OSBPL8: variants seen among roughly 807,000 people sequenced by gnomAD.
The protein encoded by OSBPL8 is oxysterol-binding protein-related protein 8.
OSBPL8 carries 59 observed loss-of-function variants against 125.5 expected under a neutral mutation model. That is an observed-to-expected ratio of 0.47 (90% confidence interval 0.38 to 0.58). The LOEUF (loss-of-function observed/expected upper bound fraction) is 0.58. Among genes scored for constraint, OSBPL8 ranks in the 20% least tolerant of loss-of-function variants. The pLI, the probability that OSBPL8 is intolerant of heterozygous loss-of-function variation, is 0.00. For missense variants in OSBPL8, 758 were observed against 1,047.8 expected (o/e 0.72, Z 3.82); for synonymous variants, 330 against 338.9 (o/e 0.97, Z 0.29).
At chr12:76,486,777 T>C (rs762010851) in intron 2 of OSBPL8, among the ~76,000 whole-genome samples, 19 of 152,208 alleles carry the variant, frequency 1.2e-4, no homozygotes, top group African/African-American at 3.6e-4. Context: ...ATTTTAACTG[T>C]TTCATTCCCA....
At chr12:76,516,872 T>C (rs1881592923) in intron 1 of OSBPL8, among the ~76,000 whole-genome samples, 1 of 150,974 alleles carries the variant, frequency 6.6e-6, no homozygotes, top group Non-Finnish European at 1.5e-5. Flanking sequence ...TGGAGTGCAG[T>C]GGCGCAGTAT....
chr12:76,547,562 C>T (rs946365657), intron 1 of OSBPL8, among the ~76,000 whole-genome samples: 6 of 152,104 alleles, frequency 3.9e-5, no homozygotes, highest in Non-Finnish European at 8.8e-5. Flanking sequence ...AAAGATAACA[C>T]AGAAGACAAG....
At chr12:76,458,410 C>A (rs1874319591) in intron 3 of OSBPL8, among the ~76,000 whole-genome samples, 1 of 151,898 alleles carries the variant, frequency 6.6e-6, no homozygotes, top group Non-Finnish European at 1.5e-5. Context: ...GAAAAAAGGG[C>A]TAGGCACGGT....
intron 4 of OSBPL8, among the ~76,000 whole-genome samples, chr12:76,439,539 G>GT (rs1460928031): frequency 6.6e-6 from 1 of 152,048 alleles, no homozygotes; most frequent in African/African-American, 2.4e-5. Flanking sequence ...GGGGGAGAGT[G>GT]TTTTTATAAT....
In OSBPL8 at chr12:76,452,907, G is replaced by A. The variant is rs534410646; in HGVS notation, c.80-1919C>T. On this transcript the variant is annotated intron_variant, in intron 3 of 23. Coordinates refer to ENST00000261183, the MANE Select transcript of OSBPL8 (RefSeq NM_020841.5). ...ACATTATTAGCTCCTCTCCTTTGTT[G>A]TCTGGGCTCAAAGGTCATCTCTTCA... is the stretch of plus-strand genomic sequence containing the variant. Among the ~76,000 whole-genome samples, 298 of 151,982 alleles carry A rather than the reference G, an allele frequency of 2.0e-3. 1 individual carries two copies. The highest frequency in any genetic ancestry group is 6.8e-3 in the African/African-American group (283 of 41,424).
intron 2 of OSBPL8, among the ~76,000 whole-genome samples, chr12:76,481,517 C>A (rs1032917514): frequency 2.0e-5 from 3 of 152,006 alleles, no homozygotes; most frequent in East Asian, 1.9e-4. Context: ...GTAGTCCAAG[C>A]TACTCTGGAG....
At chr12:76,486,053 A>G in intron 2 of OSBPL8, 1 of 434,562 alleles carries the variant, frequency 2.3e-6, no homozygotes, top group Non-Finnish European at 4.6e-6. Flanking sequence ...TTTCATTTAA[A>G]TCAATGTGAC....
chr12:76,521,610 G>C (rs189669465), intron 1 of OSBPL8, among the ~76,000 whole-genome samples: 20 of 152,284 alleles, frequency 1.3e-4, no homozygotes, highest in African/African-American at 4.8e-4. Context: ...ATATTGTTCA[G>C]CCTTTAAAAG....
intron 1 of OSBPL8, among the ~76,000 whole-genome samples, chr12:76,500,509 A>G (rs1879791909): frequency 6.6e-6 from 1 of 152,154 alleles, no homozygotes; most frequent in African/African-American, 2.4e-5. Flanking sequence ...AGTTTTTAAA[A>G]TTTGTTTATA....
intron 18 of OSBPL8, 21 bp downstream of exon 18, chr12:76,373,323 G>C: frequency 7.0e-7 from 1 of 1,432,284 alleles, no homozygotes; most frequent in East Asian, 2.3e-5. Context: ...TTTTTGTAAA[G>C]CTCATATACA....
intron 1 of OSBPL8, among the ~76,000 whole-genome samples, chr12:76,522,483 G>T (rs541805775): frequency 6.6e-6 from 1 of 152,262 alleles, no homozygotes; most frequent in African/African-American, 2.4e-5. Context: ...CATTCTCTCA[G>T]TAATGAGTTC....
intron 14 of OSBPL8, chr12:76,385,965 G>T (rs1282387645): frequency 1.6e-6 from 1 of 641,296 alleles, no homozygotes; most frequent in Non-Finnish European, 2.2e-6. Flanking sequence ...TTTGGTCAAA[G>T]GATTCCATGA....
intron 1 of OSBPL8, among the ~76,000 whole-genome samples, chr12:76,553,724 TCAAC>T (rs1424980444): frequency 6.7e-6 from 1 of 150,010 alleles, no homozygotes; most frequent in Non-Finnish European, 1.5e-5. Context: ...GCCTGTAATC[TCAAC>T]ACTTTGGGAG....
At chr12:76,548,574 G>A (rs2137479333) in intron 1 of OSBPL8, among the ~76,000 whole-genome samples, 1 of 152,232 alleles carries the variant, frequency 6.6e-6, no homozygotes, top group Middle Eastern at 3.4e-3. Flanking sequence ...ACTATCTAGG[G>A]AAAGCTAAGC....
chr12:76,433,793 T>C (rs897370872), intron 4 of OSBPL8, among the ~76,000 whole-genome samples: 1 of 151,822 alleles, frequency 6.6e-6, no homozygotes, highest in Admixed American at 6.6e-5. Flanking sequence ...ACCAACATCG[T>C]GAAATGCCAT....
intron 4 of OSBPL8, among the ~76,000 whole-genome samples, chr12:76,411,594 T>G (rs1954515861): frequency 1.4e-5 from 2 of 145,922 alleles, no homozygotes; most frequent in Non-Finnish European, 3.1e-5. Flanking sequence ...TAAAAAAAAC[T>G]GTTCCATTTT....
At chr12:76,525,193 T>C (rs1233486833) in intron 1 of OSBPL8, among the ~76,000 whole-genome samples, 2 of 152,194 alleles carry the variant, frequency 1.3e-5, no homozygotes, top group African/African-American at 4.8e-5. Flanking sequence ...TAAAAATTTC[T>C]CAGAATTATT....
chr12:76,427,785 A>G, intron 4 of OSBPL8, among the ~76,000 whole-genome samples: 1 of 152,056 alleles, frequency 6.6e-6, no homozygotes, highest in Non-Finnish European at 1.5e-5. Context: ...TTATGTTAGA[A>G]ACAGATTCTG....
chr12:76,363,546 C>G (rs1952290077), intron 21 of OSBPL8, among the ~76,000 whole-genome samples: 1 of 152,126 alleles, frequency 6.6e-6, no homozygotes, highest in African/African-American at 2.4e-5. Context: ...AGACCTAAAA[C>G]CATAAAAACG....
Sources: gnomAD v4.1 joint callset for allele counts (sites outside exome capture counted in the v4.1 genomes callset) on GRCh38, gnomAD v4.1.1 for gene constraint, MANE v1.5 for transcripts, NCBI Gene and HGNC (gene_info 2026-07-23, HGNC 2026-07-21) for gene names.